C4orf46: variants seen among roughly 807,000 people sequenced by gnomAD.
C4orf46 encodes renal cancer differentiation gene 1 protein.
C4orf46 carries 8 observed loss-of-function variants against 9.1 expected under a neutral mutation model. The ratio of observed to expected loss-of-function variants is 0.88; its 90% CI spans 0.52 to 1.59. The LOEUF is 1.59. C4orf46 is among the 40% of genes most tolerant of loss of function. The pLI, the probability that C4orf46 is intolerant of heterozygous loss-of-function variation, is 0.00. For missense variants in C4orf46, 151 were observed against 139.1 expected (o/e 1.09, Z -0.43); for synonymous variants, 51 against 58.8 (o/e 0.87, Z 0.61).
chr4:158,671,497 A>G, intron 1 of C4orf46, 119 bp downstream of exon 1: 1 of 1,074,462 alleles, frequency 9.3e-7, no homozygotes, highest in Non-Finnish European at 1.3e-6. Context: ...GGGGCGCAGA[A>G]GGGCCGGTCG....
chr4:158,671,347 A>T (rs1773536644), intron 1 of C4orf46, among the ~76,000 whole-genome samples: 1 of 152,260 alleles, frequency 6.6e-6, no homozygotes, highest in African/African-American at 2.4e-5. Flanking sequence ...AAGGCGAGAC[A>T]AAAAGAAACC....
rs778183157 is a variant in C4orf46 at position 158,669,701 on chromosome 4, G to T, written c.254C>A (p.Ala85Asp). The change falls in exon 2 of 2, where the codon GCC (alanine) becomes GAC (aspartate). Residue 85 changes from alanine (A) to aspartate (D), a missense_variant. Physicochemically the swap from Ala to Asp is moderately radical, Grantham distance 126. Transcript: ENST00000379205. ...SAVSAQVEEL[A>D]FKCTENARFL... is the part of the protein sequence containing the mutation. Reference sequence around the variant, plus strand: ...ACGTGCATTTTCTGTACATTTGAAGGCAAGTTCTTCCACTTGAGCTGATAC... The same window carrying T: ...ACGTGCATTTTCTGTACATTTGAAGTCAAGTTCTTCCACTTGAGCTGATAC... 2 of 1,613,496 alleles carry T rather than the reference G, an allele frequency of 1.2e-6. No individual in the cohort carries two copies. The highest frequency in any genetic ancestry group is 2.7e-5 in the African/African-American group (2 of 74,830).
At chr4:158,670,830 C>G (rs1773513928) in intron 1 of C4orf46, among the ~76,000 whole-genome samples, 1 of 152,154 alleles carries the variant, frequency 6.6e-6, no homozygotes, top group African/African-American at 2.4e-5. Flanking sequence ...AGGTTACACT[C>G]TACATACCTC....
At position 158,666,907 on chromosome 4, in the gene C4orf46, T is replaced by C. The variant is rs1427122875; in HGVS notation, c.*2706A>G. On this transcript the variant is annotated 3_prime_UTR_variant, in exon 2 of 2. Transcript: ENST00000379205. Reference sequence around the variant, plus strand: ...TGTTAAGAAACTAATAGTTTCTTGTTTGTAGATTCCTCTGGTGCTGTCTCA... The same window carrying C: ...TGTTAAGAAACTAATAGTTTCTTGTCTGTAGATTCCTCTGGTGCTGTCTCA... 1.3e-5 allele frequency: 2 copies of C among 148,322 alleles called. No individual in the cohort carries two copies. The highest frequency in any genetic ancestry group is 2.9e-5 in the Non-Finnish European group (2 of 67,936). 9.2% of individuals were successfully genotyped at this position (148,322 alleles called of 1,614,324 possible).
chr4:158,669,380 T>C lies in C4orf46; in HGVS notation c.*233A>G. 2.6e-6 allele frequency: 1 copy of C among 380,242 alleles called. No homozygotes were observed. The highest frequency in any genetic ancestry group is 4.8e-6 in the Non-Finnish European group (1 of 210,170). The allele number at this position is 380,242 out of a possible 1,614,324, so 23.6% of individuals were successfully genotyped here. On this transcript the variant is annotated 3_prime_UTR_variant, in exon 2 of 2. Transcript: ENST00000379205. ...GATGAAGTTAACTTTCATAAAGGAT[T>C]CTATGAAAGTTCAGAGGCATAAAGT... is the stretch of plus-strand genomic sequence containing the variant.
rs956399112 is a variant in C4orf46, at chr4:158,671,870, C to A, written c.-69G>T. ...CGACACCAACTGTCTTTTAACCACT[C>A]GCGCCCAAAGCCGAAAGGCCCCGCC... is the stretch of plus-strand genomic sequence containing the variant. On this transcript the variant is annotated 5_prime_UTR_variant, in exon 1 of 2. Coordinates refer to ENST00000379205, the MANE Select transcript of C4orf46 (RefSeq NM_001008393.4). 6 of 1,331,578 alleles carry A rather than the reference C, an allele frequency of 4.5e-6. No homozygotes were observed. In the East Asian group the frequency reaches 1.4e-4, roughly 31 times the overall value. 82.5% of individuals were successfully genotyped at this position (1,331,578 alleles called of 1,614,324 possible). A position where few individuals can be genotyped will look rare whatever the true frequency, so the allele number is the denominator to read the frequency against.
chr4:158,667,141 G>A lies in C4orf46; in HGVS notation c.*2472C>T, dbSNP rs1291486522. On this transcript the variant is annotated 3_prime_UTR_variant, in exon 2 of 2. Transcript: ENST00000379205. ...AAATTTCCTTCAGATAAAAAGAACAGAAAGGTCAGAATCTGGCCCTTACAT... is the reference window on the plus strand; with the variant it reads ...AAATTTCCTTCAGATAAAAAGAACAAAAAGGTCAGAATCTGGCCCTTACAT... The A allele has an allele frequency of 1.3e-5, 2 of 152,196 alleles. No homozygotes were observed. The highest frequency in any genetic ancestry group is 2.9e-5 in the Non-Finnish European group (2 of 68,012). The allele number at this position is 152,196 out of a possible 1,614,324, so 9.4% of individuals were successfully genotyped here.
At chr4:158,670,738 A>G (rs1249391637) in intron 1 of C4orf46, among the ~76,000 whole-genome samples, 1 of 152,250 alleles carries the variant, frequency 6.6e-6, no homozygotes, top group Non-Finnish European at 1.5e-5. Flanking sequence ...CCTTAAAAAA[A>G]AATACTTGCG....
At chr4:158,671,896 T>A, upstream of C4orf46, 1 of 1,046,150 alleles carries the variant, frequency 9.6e-7, no homozygotes, top group Non-Finnish European at 1.3e-6. Flanking sequence ...AGGCCCCGCC[T>A]CCTAACGCCA....
chr4:158,671,837 A>G lies in C4orf46; in HGVS notation c.-36T>C. 1 of 1,437,386 alleles carries G rather than the reference A, an allele frequency of 7.0e-7. No individual in the cohort carries two copies. The highest frequency in any genetic ancestry group is 9.2e-7 in the Non-Finnish European group (1 of 1,084,550). The allele number at this position is 1,437,386 out of a possible 1,614,324, so 89.0% of individuals were successfully genotyped here. The stretch of plus-strand genomic sequence containing the variant: ...TGGGACCGCGGAATCCGACCCGAGA[A>G]GCCGAACCGACACCAACTGTCTTTT... On this transcript the variant is annotated 5_prime_UTR_variant, in exon 1 of 2. Transcript: ENST00000379205.
rs957011141 is a variant in C4orf46 at position 158,668,880 on chromosome 4, T to C, written c.*733A>G. On this transcript the variant is annotated 3_prime_UTR_variant, in exon 2 of 2. Transcript: ENST00000379205. ...CTAAACAGTCTTTCCCTTTCTGAAG[T>C]AAAGTCTTTAAAAAAAAAATCAAAC... The C allele has an allele frequency of 1.3e-5, 2 of 152,114 alleles. No individual in the cohort carries two copies. Among genetic ancestry groups the C allele is most frequent in the Admixed American group, 6.5e-5 (1 of 15,272 alleles). 9.4% of individuals were successfully genotyped at this position (152,114 alleles called of 1,614,324 possible). A position where few individuals can be genotyped will look rare whatever the true frequency, so the allele number is the denominator to read the frequency against.
At position 158,671,629 on chromosome 4, in the gene C4orf46, A is replaced by T. The variant is rs934321799; in HGVS notation, c.173T>A (p.Leu58Gln). Residue 58 changes from leucine (L) to glutamine (Q), a missense_variant, in exon 1 of 2, where the codon CTG (leucine) becomes CAG (glutamine). By Grantham distance (113) the Leu-to-Gln change is moderately radical (BLOSUM62 -2). Coordinates refer to ENST00000379205, the MANE Select transcript of C4orf46 (RefSeq NM_001008393.4). ...CACCACACTCACGTCTCCGATCTGCAGCTCCACTTCCTCCAGCTGGTCCAC... is the reference window on the plus strand; with the variant it reads ...CACCACACTCACGTCTCCGATCTGCTGCTCCACTTCCTCCAGCTGGTCCAC... The part of the protein sequence containing the change: ...PTVDQLEEVE[L>Q]QIGDAAFSLT... 6.4e-7 allele frequency: 1 copy of T among 1,570,750 alleles called. No individual in the cohort carries two copies. Among genetic ancestry groups the T allele is most frequent in the African/African-American group, 1.4e-5 (1 of 73,036 alleles).
chr4:158,669,620 T>C lies in C4orf46; in HGVS notation c.335A>G (p.Asp112Gly). Reference sequence around the variant, plus strand: ...ACAACGAAGTATGCCAAATCAGTCATCAGGTTTCAAAGAATCATAGCCTTC... The same window carrying C: ...ACAACGAAGTATGCCAAATCAGTCACCAGGTTTCAAAGAATCATAGCCTTC... ...LKEGYDSLKPDD is the reference protein window; with the variant it reads ...LKEGYDSLKPGD Residue 112 changes from aspartate (D) to glycine (G), a missense_variant, in exon 2 of 2, where the codon GAT becomes GGT. Transcript: ENST00000379205. 1.9e-6 allele frequency: 3 copies of C among 1,612,288 alleles called. No homozygotes were observed. The highest frequency in any genetic ancestry group is 2.7e-5 in the African/African-American group (2 of 74,978).
Position 158,669,442 on chromosome 4 carries a change from T to C in C4orf46, c.*171A>G, listed in dbSNP as rs1773459440. 8 of 570,304 alleles carry C rather than the reference T, an allele frequency of 1.4e-5. No individual in the cohort carries two copies. Among genetic ancestry groups the C allele is most frequent in the East Asian group, 6.0e-5 (2 of 33,508 alleles). The allele number at this position is 570,304 out of a possible 1,614,324, so 35.3% of individuals were successfully genotyped here. A position where few individuals can be genotyped will look rare whatever the true frequency, so the allele number is the denominator to read the frequency against. ...AACAAGTACTGGTCCGCAACAAAAA[T>C]AGCATCGGTATTCTGCTTTCACAAA... On this transcript the variant is annotated 3_prime_UTR_variant, in exon 2 of 2. Transcript: ENST00000379205.
At chr4:158,670,049 G>T (rs1361986879) in intron 1 of C4orf46, among the ~76,000 whole-genome samples, 1 of 1,704 alleles carries the variant, frequency 5.9e-4, no homozygotes, top group Non-Finnish European at 1.8e-3. Context: ...TTTTGAGACG[G>T]AGTTTCGCTC....
intron 1 of C4orf46, among the ~76,000 whole-genome samples, chr4:158,671,159 G>T (rs116040611): frequency 6.6e-6 from 1 of 152,214 alleles, no homozygotes; most frequent in Non-Finnish European, 1.5e-5. Flanking sequence ...CCCATGGAAA[G>T]AAATCACAGC....
At position 158,668,184 on chromosome 4, in the gene C4orf46, G is replaced by A. The variant is rs1678815501; in HGVS notation, c.*1429C>T. 1 of 148,436 alleles carries A rather than the reference G, an allele frequency of 6.7e-6. No homozygotes were observed. The highest frequency in any genetic ancestry group is 2.6e-5 in the African/African-American group (1 of 37,916). The allele number at this position is 148,436 out of a possible 1,614,324, so 9.2% of individuals were successfully genotyped here. A position where few individuals can be genotyped will look rare whatever the true frequency, so the allele number is the denominator to read the frequency against. On this transcript the variant is annotated 3_prime_UTR_variant, in exon 2 of 2. Coordinates refer to ENST00000379205, the MANE Select transcript of C4orf46 (RefSeq NM_001008393.4). ...TTGAAATATGTCAATAAAGTTTTAA[G>A]GTAATGAATCCAAACAAATGGAAAT... is the stretch of plus-strand genomic sequence containing the variant.
Position 158,668,929 on chromosome 4 carries a change from T to C in C4orf46, c.*684A>G, listed in dbSNP as rs1256866184. 1 of 152,222 alleles carries C rather than the reference T, an allele frequency of 6.6e-6. No homozygotes were observed. The highest frequency in any genetic ancestry group is 1.5e-5 in the Non-Finnish European group (1 of 68,038). The allele number at this position is 152,222 out of a possible 1,614,324, so 9.4% of individuals were successfully genotyped here. A position where few individuals can be genotyped will look rare whatever the true frequency, so the allele number is the denominator to read the frequency against. On this transcript the variant is annotated 3_prime_UTR_variant, in exon 2 of 2. Transcript: ENST00000379205. ...ACAAGTACAAAAAATATTTATCATA[T>C]ATTTTTAAAACCTATCATCAAAGTC...
rs1264172972 is a variant in C4orf46 at position 158,667,570 on chromosome 4, A to G, written c.*2043T>C. ...AAACAACATAGAAAAATGAGCAAAA[A>G]TGCCTGTAATCCCAGTGCTTTATAG... On this transcript the variant is annotated 3_prime_UTR_variant, in exon 2 of 2. Coordinates refer to ENST00000379205, the MANE Select transcript of C4orf46 (RefSeq NM_001008393.4). 1 of 152,184 alleles carries G rather than the reference A, an allele frequency of 6.6e-6. No individual in the cohort carries two copies. Among genetic ancestry groups the G allele is most frequent in the African/African-American group, 2.4e-5 (1 of 41,442 alleles). The allele number at this position is 152,184 out of a possible 1,614,324, so 9.4% of individuals were successfully genotyped here.
Sources: allele counts gnomAD v4.1 joint callset (sites outside exome capture counted in the v4.1 genomes callset), GRCh38; gene constraint gnomAD v4.1.1; transcripts MANE v1.5; gene names NCBI Gene and HGNC (gene_info 2026-07-23, HGNC 2026-07-21).